NRXN1: variants seen among roughly 807,000 people sequenced by gnomAD.
NRXN1 encodes the protein neurexin-1.
NRXN1 carries 39 observed loss-of-function variants against 150.9 expected under a neutral mutation model. The ratio of observed to expected loss-of-function variants is 0.26; its 90% confidence interval spans 0.20 to 0.34. The LOEUF (loss-of-function observed/expected upper bound fraction) is 0.34, where lower values mean the gene tolerates loss of function less well. Among genes scored for constraint, NRXN1 ranks in the 10% least tolerant of loss-of-function variants. The pLI is 1.00. For synonymous variants in NRXN1, 924 were observed against 757.0 expected, an observed-to-expected ratio of 1.22 and a Z score of -3.62; for missense variants, 1,815 against 1,949.9, an observed-to-expected ratio of 0.93 and a Z score of 1.30.
intron 10 of NRXN1, among the ~76,000 whole-genome samples, chr2:50,532,458 G>A (rs1260203072): frequency 6.6e-6 from 1 of 152,040 alleles, no homozygotes; most frequent in African/African-American, 2.4e-5. Context: ...CCAAACAACA[G>A]ATAATACTTC....
At chr2:50,739,826 A>T (rs1361442965) in intron 5 of NRXN1, among the ~76,000 whole-genome samples, 1 of 152,182 alleles carries the variant, frequency 6.6e-6, no homozygotes. Context: ...TTAGTACATC[A>T]AAAGGAAATA....
chr2:50,302,676 G>C (rs1272850483), intron 17 of NRXN1, among the ~76,000 whole-genome samples: 1 of 152,000 alleles, frequency 6.6e-6, no homozygotes, highest in African/African-American at 2.4e-5. Context: ...TTAATACTTT[G>C]TTTCTGCAAA....
chr2:50,008,379 T>A (rs943749014), intron 21 of NRXN1, among the ~76,000 whole-genome samples: 1 of 152,100 alleles, frequency 6.6e-6, no homozygotes, highest in Admixed American at 6.6e-5. Context: ...AGGGCCTTGT[T>A]TGCTAAGTTT....
rs138046338 is a variant in NRXN1 at position 50,965,292 on chromosome 2, G to A, written c.773-39337C>T. Among the ~76,000 whole-genome samples, 4 of 151,290 alleles carry A rather than the reference G, an allele frequency of 2.6e-5. No homozygotes were observed. The East Asian group carries it at 7.8e-4, about 29-fold the overall frequency. On this transcript the variant is annotated intron_variant, in intron 2 of 22. Coordinates refer to ENST00000401669, the MANE Select transcript of NRXN1 (RefSeq NM_001330078.2). ...CACTAACATTTTTATCTCATGGAGA[G>A]ACATTACAATGCTCTATGAATGGGG...
chr2:50,218,603 TAA>T (rs1376943840), intron 18 of NRXN1, among the ~76,000 whole-genome samples: 1 of 150,946 alleles, frequency 6.6e-6, no homozygotes, highest in African/African-American at 2.4e-5. Context: ...TGGAGAAAAA[TAA>T]GTTTGTTTAT....
At chr2:50,271,713 A>C (rs2069682636) in intron 17 of NRXN1, among the ~76,000 whole-genome samples, 2 of 152,194 alleles carry the variant, frequency 1.3e-5, no homozygotes, top group Admixed American at 1.3e-4. Context: ...CTTATTTTAA[A>C]TTAATTTATT....
At chr2:50,565,395 A>C (rs1669690713) in intron 8 of NRXN1, among the ~76,000 whole-genome samples, 1 of 152,214 alleles carries the variant, frequency 6.6e-6, no homozygotes, top group South Asian at 2.1e-4. Context: ...ATAAAAAAAA[A>C]ATCATTGAAT....
intron 18 of NRXN1, among the ~76,000 whole-genome samples, chr2:50,203,925 G>A (rs1251653088): frequency 1.3e-5 from 2 of 152,056 alleles, no homozygotes; most frequent in South Asian, 2.1e-4. Context: ...ATTCCACAGT[G>A]TTTAGGAAAT....
intron 5 of NRXN1, among the ~76,000 whole-genome samples, chr2:50,736,832 C>A (rs1017629293): frequency 6.6e-6 from 1 of 152,120 alleles, no homozygotes; most frequent in African/African-American, 2.4e-5. Context: ...TCAAAGAGGG[C>A]AGAAACCATG....
At chr2:50,487,205 T>A (rs1287287166) in intron 15 of NRXN1, among the ~76,000 whole-genome samples, 4 of 152,140 alleles carry the variant, frequency 2.6e-5, no homozygotes, top group Non-Finnish European at 5.9e-5. Flanking sequence ...ATGATGATGG[T>A]GATAGTGATA....
intron 12 of NRXN1, among the ~76,000 whole-genome samples, chr2:50,509,526 C>G (rs996312164): frequency 3.0e-4 from 45 of 152,194 alleles, no homozygotes; most frequent in African/African-American, 1.1e-3. Flanking sequence ...GTGGTCTCAG[C>G]ATTCCCATCC....
chr2:50,358,528 T>C (rs754191478), intron 17 of NRXN1, among the ~76,000 whole-genome samples: 2 of 152,188 alleles, frequency 1.3e-5, no homozygotes, highest in Non-Finnish European at 2.9e-5. Context: ...ACTGCCTCTC[T>C]AGATTCCTGC....
intron 5 of NRXN1, among the ~76,000 whole-genome samples, chr2:50,645,816 T>C (rs1408566751): frequency 6.6e-5 from 10 of 152,002 alleles, no homozygotes; most frequent in Admixed American, 6.6e-4. Flanking sequence ...AAGAATGCTA[T>C]TGCCTGAATG....
chr2:50,459,438 A>G (rs778741681), intron 17 of NRXN1, among the ~76,000 whole-genome samples: 2 of 151,992 alleles, frequency 1.3e-5, no homozygotes, highest in Non-Finnish European at 2.9e-5. Context: ...GCCAATAATT[A>G]TTTTTTCTGC....
At chr2:50,897,613 A>C (rs1237765605) in intron 5 of NRXN1, among the ~76,000 whole-genome samples, 2 of 152,236 alleles carry the variant, frequency 1.3e-5, no homozygotes, top group Non-Finnish European at 2.9e-5. Context: ...GCACAAACAC[A>C]TTTGGATGAC....
intron 2 of NRXN1, among the ~76,000 whole-genome samples, chr2:50,938,994 G>A (rs547152315): frequency 5.3e-5 from 8 of 151,986 alleles, no homozygotes; most frequent in East Asian, 1.9e-4. Context: ...GGAGGATCAC[G>A]AGGTCAGGAG....
intron 1 of NRXN1, among the ~76,000 whole-genome samples, chr2:51,030,280 T>G (rs1671282702): frequency 6.6e-6 from 1 of 151,870 alleles, no homozygotes; most frequent in Non-Finnish European, 1.5e-5. Flanking sequence ...CATACACACA[T>G]GCACACACAC....
At chr2:50,622,252 C>T (rs1680157680) in intron 6 of NRXN1, among the ~76,000 whole-genome samples, 1 of 152,120 alleles carries the variant, frequency 6.6e-6, no homozygotes, top group Admixed American at 6.6e-5. Context: ...ATCTACACTC[C>T]TAAAGCTCCT....
intron 5 of NRXN1, among the ~76,000 whole-genome samples, chr2:50,796,468 A>G (rs977531457): frequency 6.6e-6 from 1 of 152,040 alleles, no homozygotes; most frequent in African/African-American, 2.4e-5. Flanking sequence ...CCTTCTCTCT[A>G]CTTCACCACT....
Sources: gnomAD v4.1 joint callset for allele counts (sites outside exome capture counted in the v4.1 genomes callset) on GRCh38, gnomAD v4.1.1 for gene constraint, MANE v1.5 for transcripts, NCBI Gene and HGNC (gene_info 2026-07-23, HGNC 2026-07-21) for gene names.